The following SNX2 variants were observed in gnomAD, a reference collection of about 807,000 sequenced individuals.
The protein encoded by SNX2 is sorting nexin 2.
Under a neutral mutation model 69.9 loss-of-function variants are expected in SNX2, and 25 were observed. The observed-to-expected ratio is 0.36, with a 90% CI of 0.26 to 0.50. The LOEUF (loss-of-function observed/expected upper bound fraction) is 0.50. Ranked by LOEUF, SNX2 falls within the 20% of genes least tolerant of loss-of-function variation. The pLI is 0.97. For missense variants in SNX2, 551 were observed against 613.3 expected, an observed-to-expected ratio of 0.90 and a Z score of 1.07; for synonymous variants, 229 against 200.4, an observed-to-expected ratio of 1.14 and a Z score of -1.20.
At chr5:122,783,133 G>A (rs906058625) in intron 1 of SNX2, among the ~76,000 whole-genome samples, 1 of 149,746 alleles carries the variant, frequency 6.7e-6, no homozygotes, top group African/African-American at 2.5e-5. Flanking sequence ...TTTTAGCAGA[G>A]ACAAGGTTTC....
Position 122,831,009 on chromosome 5 carries a change from CAAA to C in SNX2, c.*1383_*1385del, listed in dbSNP as rs58159922. Reference sequence around the variant, plus strand: ...AGGCAACAAAAGCAAAACTCCATCTCAAAAAAAAAAAAAAAAAAAAAAAAGATG... The same window carrying C: ...AGGCAACAAAAGCAAAACTCCATCTCAAAAAAAAAAAAAAAAAAAAAGATG... On this transcript the variant is annotated 3_prime_UTR_variant, in exon 15 of 15. Transcript: ENST00000379516. Among the ~76,000 whole-genome samples, 8 of 63,008 alleles carry C rather than the reference CAAA, an allele frequency of 1.3e-4. No homozygotes were observed. Among genetic ancestry groups the C allele is most frequent in the African/African-American group, 4.8e-4 (8 of 16,766 alleles). 41.3% of individuals were successfully genotyped at this position (63,008 alleles called of 152,430 possible).
In SNX2 at chr5:122,818,932, T is replaced by C. The variant is rs757754866; in HGVS notation, c.1121T>C (p.Ile374Thr). ...LSQLAEVEEK[I>T]DQLHQEQAFA... ...CAGCTTGCAGAGGTTGAGGAGAAGA[T>C]AGACCAGTTACATCAAGAACAAGCT... Residue 374 changes from isoleucine (I) to threonine (T), a missense_variant, in exon 11 of 15, where the codon ATA (isoleucine) becomes ACA (threonine). Physicochemically the swap from Ile to Thr is moderately conservative, Grantham distance 89. Transcript: ENST00000379516. 1.9e-6 allele frequency: 3 copies of C among 1,614,020 alleles called. No individual in the cohort carries two copies. Among genetic ancestry groups the C allele is most frequent in the Non-Finnish European group, 2.5e-6 (3 of 1,179,906 alleles).
rs749481333 is a variant in SNX2 at position 122,802,056 on chromosome 5, T to C, written c.458-25T>C. 5 of 1,603,416 alleles carry C rather than the reference T, an allele frequency of 3.1e-6. No individual in the cohort carries two copies. In the Admixed American group the frequency reaches 8.3e-5, roughly 27 times the overall value. ...TTTATTTTTATGCATGTGATTTTAA[T>C]AGTAGTGTTTGACTTTTTTTGCAGG... On this transcript the variant is annotated intron_variant, in intron 4 of 14. Coordinates refer to ENST00000379516, the MANE Select transcript of SNX2 (RefSeq NM_003100.4).
chr5:122,813,313 GAA>G (rs1258618090), intron 7 of SNX2, among the ~76,000 whole-genome samples: 1 of 151,852 alleles, frequency 6.6e-6, no homozygotes, highest in Non-Finnish European at 1.5e-5. Flanking sequence ...TTATATATGA[GAA>G]ACATATATAT....
At chr5:122,784,175 G>T (rs1485729729) in intron 1 of SNX2, among the ~76,000 whole-genome samples, 1 of 150,558 alleles carries the variant, frequency 6.6e-6, no homozygotes, top group African/African-American at 2.4e-5. Context: ...TATTGTTTGT[G>T]ATTGGAGTTT....
At chr5:122,814,288 G>A (rs1329700516) in intron 7 of SNX2, among the ~76,000 whole-genome samples, 1 of 152,154 alleles carries the variant, frequency 6.6e-6, no homozygotes, top group African/African-American at 2.4e-5. Flanking sequence ...TTCAAGTGGG[G>A]AAATACCAAC....
At position 122,803,621 on chromosome 5, in the gene SNX2, C is replaced by T. The variant is rs1400992174; in HGVS notation, c.643+8C>T. 1.9e-6 allele frequency: 3 copies of T among 1,583,776 alleles called. No homozygotes were observed. Among genetic ancestry groups the T allele is most frequent in the Non-Finnish European group, 8.6e-7 (1 of 1,167,988 alleles). Reference sequence around the variant, plus strand: ...CAGAAAAGAGTATAGTAGGTAAGCACAAATTTTTCAAAAATTAATTTTTGT... The same window carrying T: ...CAGAAAAGAGTATAGTAGGTAAGCATAAATTTTTCAAAAATTAATTTTTGT... On this transcript the variant is annotated splice_region_variant and intron_variant, in intron 6 of 14. Transcript: ENST00000379516.
intron 2 of SNX2, among the ~76,000 whole-genome samples, chr5:122,795,921 T>G (rs1753366441): frequency 6.6e-6 from 1 of 152,176 alleles, no homozygotes; most frequent in Non-Finnish European, 1.5e-5. Flanking sequence ...GGACTCTGTT[T>G]AACAATTATC....
At chr5:122,818,547 A>C (rs1753950551) in intron 10 of SNX2, among the ~76,000 whole-genome samples, 1 of 152,216 alleles carries the variant, frequency 6.6e-6, no homozygotes, top group Non-Finnish European at 1.5e-5. Context: ...GAGAAAAAAC[A>C]GGAGGCAGAT....
chr5:122,799,571 G>A (rs1162857550), intron 2 of SNX2, 121 bp from the exon 3 acceptor site: 2 of 569,850 alleles, frequency 3.5e-6, no homozygotes, highest in Non-Finnish European at 5.8e-6. Context: ...ATTTTTAAAT[G>A]ACATTATTTT....
At chr5:122,782,527 T>C (rs12514257) in intron 1 of SNX2, among the ~76,000 whole-genome samples, 35,435 of 151,776 alleles carry the variant, frequency 0.23, 4,533 homozygotes, top group East Asian at 0.5. Flanking sequence ...GCGTGAGCCA[T>C]CACGCCCGGC....
At chr5:122,784,890 C>T (rs541083851) in intron 1 of SNX2, among the ~76,000 whole-genome samples, 6 of 152,246 alleles carry the variant, frequency 3.9e-5, no homozygotes, top group Admixed American at 6.5e-5. Flanking sequence ...AGGCTTTTAA[C>T]GACAAATTCA....
At chr5:122,824,201 C>CAA (rs398050704) in intron 11 of SNX2, among the ~76,000 whole-genome samples, 2 of 112,698 alleles carry the variant, frequency 1.8e-5, no homozygotes, top group Admixed American at 9.3e-5. Context: ...GACTCTGTCT[C>CAA]AAAAAAAAAA....
chr5:122,775,265 T>C, intron 1 of SNX2, 54 bp downstream of exon 1: 3 of 1,506,516 alleles, frequency 2.0e-6, no homozygotes, highest in Non-Finnish European at 2.7e-6. Context: ...GCGTCTCACC[T>C]TTCCCCTGCC....
chr5:122,797,450 T>C (rs1443903611), intron 2 of SNX2, among the ~76,000 whole-genome samples: 2 of 150,420 alleles, frequency 1.3e-5, no homozygotes, highest in African/African-American at 4.9e-5. Flanking sequence ...CATCATTAAG[T>C]GACTGAAGAC....
rs1235888049 is a variant in SNX2 at position 122,826,114 on chromosome 5, A to G, written c.1277A>G (p.Lys426Arg). The G allele has an allele frequency of 6.2e-7, 1 of 1,613,266 alleles. No individual in the cohort carries two copies. The highest frequency in any genetic ancestry group is 8.5e-7 in the Non-Finnish European group (1 of 1,179,510). ...KWEDAQITLLKKREAEAKMMV... is the reference protein window; with the variant it reads ...KWEDAQITLLRKREAEAKMMV... ...GAAGATGCTCAAATTACTTTGCTCA[A>G]AAAACGTGAAGCTGAAGCAAAAATG... is the stretch of plus-strand genomic sequence containing the variant. Residue 426 changes from lysine to arginine, a missense_variant, in exon 12 of 15, where the codon AAA becomes AGA. By Grantham distance (26) the Lys-to-Arg change is conservative. Coordinates refer to ENST00000379516, the MANE Select transcript of SNX2 (RefSeq NM_003100.4).
chr5:122,782,307 C>T (rs570756626), intron 1 of SNX2, among the ~76,000 whole-genome samples: 44 of 151,908 alleles, frequency 2.9e-4, no homozygotes, highest in South Asian at 2.5e-3. Flanking sequence ...GGTGTGATCT[C>T]GGTTCACTGC....
chr5:122,816,850 T>G, intron 8 of SNX2, 65 bp from the exon 9 acceptor site: 1 of 858,382 alleles, frequency 1.2e-6, no homozygotes. Flanking sequence ...GGATCACTTT[T>G]GTGCCTAGTT....
chr5:122,775,251 C>A, intron 1 of SNX2, 40 bp downstream of exon 1: 1 of 1,520,494 alleles, frequency 6.6e-7, no homozygotes, highest in Non-Finnish European at 8.9e-7. Flanking sequence ...TGCGTAGCTG[C>A]CGCGCGTCTC....
Sources: allele counts gnomAD v4.1 joint callset (sites outside exome capture counted in the v4.1 genomes callset), GRCh38; gene constraint gnomAD v4.1.1; transcripts MANE v1.5; gene names NCBI Gene and HGNC (gene_info 2026-07-23, HGNC 2026-07-21).